Variants in PCNX1 observed in about 807,000 individuals in gnomAD.
PCNX1 encodes the protein pecanex 1.
A neutral mutation model predicts 242.2 loss-of-function variants in PCNX1; 78 were observed. That is an observed-to-expected ratio of 0.32 (90% CI 0.27 to 0.39). The LOEUF (loss-of-function observed/expected upper bound fraction) is 0.39, where lower values mean the gene tolerates loss of function less well. Among genes scored for constraint, PCNX1 ranks in the 10% least tolerant of loss-of-function variants. The probability of loss-of-function intolerance (pLI) is 1.00; values close to 1 mark genes in which losing one functional copy is unlikely to be tolerated. For missense variants in PCNX1, 2,581 were observed against 2,856.5 expected (o/e 0.90, Z 2.20); for synonymous variants, 1,024 against 1,032.9 (o/e 0.99, Z 0.17).
intron 8 of PCNX1, among the ~76,000 whole-genome samples, chr14:71,002,302 T>G (rs939907154): frequency 5.9e-5 from 9 of 152,234 alleles, no homozygotes; most frequent in African/African-American, 1.7e-4. Flanking sequence ...ACTGACTGTT[T>G]GCTGCTACAT....
chr14:71,019,099 C>G lies in PCNX1; in HGVS notation c.3087C>G (p.Phe1029Leu). Residue 1029 changes from phenylalanine (F) to leucine (L), a missense_variant, in exon 12 of 36, where the codon TTC becomes TTG. Coordinates refer to ENST00000304743, the MANE Select transcript of PCNX1 (RefSeq NM_014982.3). The part of the protein sequence containing the change: ...LGSILLIQGF[F>L]RDIWVFQFCL... ...CTATTCTTCTCATACAAGGATTCTT[C>G]AGAGATATCTGGGTCTTCCAGTTCT... 1 of 1,613,506 alleles carries G rather than the reference C, an allele frequency of 6.2e-7. No individual in the cohort carries two copies. The highest frequency in any genetic ancestry group is 8.5e-7 in the Non-Finnish European group (1 of 1,179,584).
chr14:70,918,676 C>T (rs1007604764), intron 1 of PCNX1, among the ~76,000 whole-genome samples: 1 of 152,134 alleles, frequency 6.6e-6, no homozygotes, highest in African/African-American at 2.4e-5. Flanking sequence ...TAAAGCTAAG[C>T]ACAACATAAG....
At chr14:71,073,513 C>G in intron 26 of PCNX1, 32 bp from the exon 27 acceptor site, 1 of 1,553,632 alleles carries the variant, frequency 6.4e-7, no homozygotes, top group Non-Finnish European at 8.7e-7. Flanking sequence ...TCTGGTTTTC[C>G]CCCTTTGTAA....
chr14:71,053,213 G>A, intron 24 of PCNX1: 5 of 448,996 alleles, frequency 1.1e-5, no homozygotes, highest in South Asian at 7.9e-5. Flanking sequence ...AATGTTCAGT[G>A]GCTGCAGTTC....
chr14:70,972,519 T>C (rs1285925576), intron 5 of PCNX1, among the ~76,000 whole-genome samples: 1 of 152,186 alleles, frequency 6.6e-6, no homozygotes, highest in Admixed American at 6.5e-5. Context: ...ATGTGGCCTT[T>C]ACTTCTTGAT....
At position 71,026,840 on chromosome 14, in the gene PCNX1, T is replaced by C. The variant is rs1360255724; in HGVS notation, c.3424T>C (p.Tyr1142His). 11 of 1,578,374 alleles carry C rather than the reference T, an allele frequency of 7.0e-6. No homozygotes were observed. Among genetic ancestry groups the C allele is most frequent in the Non-Finnish European group, 9.6e-6 (11 of 1,148,830 alleles). ...GCCTCAGGTGAATACATTTGTAATG[T>C]ACCTTTGTGAACAATTGGATATTCA... is the stretch of plus-strand genomic sequence containing the variant. ...LLPQVNTFVM[Y>H]LCEQLDIHIF... The change falls in exon 15 of 36, where the codon TAC (tyrosine) becomes CAC (histidine). Residue 1142 changes from tyrosine (Y) to histidine (H), a missense_variant. Around this residue, in one of 9 missense-constraint regions of PCNX1, gnomAD observed 432 missense variants for 443.1 expected, o/e 0.97. Transcript: ENST00000304743.
intron 31 of PCNX1, among the ~76,000 whole-genome samples, chr14:71,102,966 G>C (rs1179635218): frequency 6.6e-6 from 1 of 152,054 alleles, no homozygotes; most frequent in Non-Finnish European, 1.5e-5. Flanking sequence ...AGTGCTTTAA[G>C]AGGCTTAATT....
chr14:70,920,586 T>G (rs2056339226), intron 1 of PCNX1, among the ~76,000 whole-genome samples: 1 of 152,208 alleles, frequency 6.6e-6, no homozygotes. Flanking sequence ...ATTTTAAAAC[T>G]GAGGTATTTT....
At chr14:71,001,547 A>G (rs1015375986) in intron 8 of PCNX1, among the ~76,000 whole-genome samples, 1 of 152,228 alleles carries the variant, frequency 6.6e-6, no homozygotes, top group African/African-American at 2.4e-5. Flanking sequence ...GTGCCTGAAC[A>G]GCTCTAGGAA....
At chr14:71,073,356 T>C (rs1332834347) in intron 26 of PCNX1, among the ~76,000 whole-genome samples, 189 bp from the exon 27 acceptor site, 2 of 152,250 alleles carry the variant, frequency 1.3e-5, no homozygotes, top group East Asian at 3.8e-4. Context: ...TTTTGCAGGA[T>C]ATGAATATAG....
intron 1 of PCNX1, among the ~76,000 whole-genome samples, chr14:70,940,368 T>C (rs1292056687): frequency 6.6e-6 from 1 of 152,218 alleles, no homozygotes; most frequent in Non-Finnish European, 1.5e-5. Context: ...AAGGATTTTA[T>C]TTCTCCTTCA....
At position 70,974,244 on chromosome 14, in the gene PCNX1, G is replaced by GTT. The variant is rs1202073692; in HGVS notation, c.605-2682_605-2681dup. ...AACTGGAATTGTGGTTTTTTTTGTT[G>GTT]TTTTTTTTTTTTTTTTTGAGAGGGA... On this transcript the variant is annotated intron_variant, in intron 5 of 35. Transcript: ENST00000304743. Among the ~76,000 whole-genome samples, 320 of 117,202 alleles carry GTT rather than the reference G, an allele frequency of 2.7e-3. 1 individual carries two copies. The highest frequency in any genetic ancestry group is 4.6e-3 in the Non-Finnish European group (248 of 54,480). The allele number at this position is 117,202 out of a possible 152,430, so 76.9% of individuals were successfully genotyped here.
At chr14:70,944,280 G>A (rs2140281900) in intron 1 of PCNX1, among the ~76,000 whole-genome samples, 1 of 152,350 alleles carries the variant, frequency 6.6e-6, no homozygotes, top group South Asian at 2.1e-4. Flanking sequence ...CCACAGGGAT[G>A]GAGCTGTCCA....
intron 11 of PCNX1, among the ~76,000 whole-genome samples, chr14:71,015,607 G>A (rs1300291156): frequency 2.0e-5 from 3 of 152,086 alleles, no homozygotes; most frequent in Non-Finnish European, 4.4e-5. Context: ...GCCAGCCTTG[G>A]CAACCTAGTG....
chr14:70,977,168 C>T lies in PCNX1; in HGVS notation c.831C>T (p.Asp277=). ...TACACTCACACTCTTATAGAAAAGACCACCGGCCGCGAGGTGTACCACGGA... is the reference window on the plus strand; with the variant it reads ...TACACTCACACTCTTATAGAAAAGATCACCGGCCGCGAGGTGTACCACGGA... ...VPLHSHSYRK[D]HRPRGVPRTS... Residue 277 remains aspartate (D), a synonymous_variant, in exon 6 of 36, where the codon GAC becomes GAT. Transcript: ENST00000304743. 1.9e-6 allele frequency: 3 copies of T among 1,614,186 alleles called. No individual in the cohort carries two copies. Among genetic ancestry groups the T allele is most frequent in the Middle Eastern group, 3.3e-4 (2 of 6,062 alleles).
intron 1 of PCNX1, among the ~76,000 whole-genome samples, chr14:70,918,539 T>C (rs557487050): frequency 2.0e-4 from 30 of 152,200 alleles, no homozygotes; most frequent in Admixed American, 1.2e-3. Context: ...TATTGAAGAG[T>C]TACCAAAATG....
intron 5 of PCNX1, among the ~76,000 whole-genome samples, chr14:70,975,637 A>T (rs1361528364): frequency 6.6e-6 from 1 of 152,138 alleles, no homozygotes; most frequent in Non-Finnish European, 1.5e-5. Context: ...ACAAGACAAT[A>T]ATTTTTCTTT....
At position 71,109,028 on chromosome 14, in the gene PCNX1, A is replaced by G. The variant is rs2062698202; in HGVS notation, c.6726A>G (p.Glu2242=). The change falls in exon 34 of 36, where the codon GAA becomes GAG. Residue 2242 remains glutamate, a synonymous_variant. Coordinates refer to ENST00000304743, the MANE Select transcript of PCNX1 (RefSeq NM_014982.3). ...ACAATTCACACTCCAGAAAGGCAGA[A>G]GTGATTTACAGAGTCCAAGTAAGTA... The part of the protein sequence containing the change: ...PANNSHSRKA[E]VIYRVQIVDP... The G allele has an allele frequency of 6.2e-7, 1 of 1,611,654 alleles. No homozygotes were observed. Among genetic ancestry groups the G allele is most frequent in the Non-Finnish European group, 8.5e-7 (1 of 1,178,534 alleles).
chr14:70,984,986 T>C (rs1250090602), intron 6 of PCNX1, among the ~76,000 whole-genome samples: 1 of 152,050 alleles, frequency 6.6e-6, no homozygotes, highest in African/African-American at 2.4e-5. Context: ...GTGAAGTAAC[T>C]CCTGAGGTGG....
Sources: gnomAD v4.1 joint callset for allele counts (sites outside exome capture counted in the v4.1 genomes callset) on GRCh38, gnomAD v4.1.1 for gene constraint, gnomAD v4.1.1 regional missense constraint, MANE v1.5 for transcripts, NCBI Gene and HGNC (gene_info 2026-07-23, HGNC 2026-07-21) for gene names.